Variants in DMRT1 observed in about 807,000 individuals in gnomAD.
DMRT1 encodes the protein doublesex- and mab-3-related transcription factor 1.
In DMRT1, 7 loss-of-function variants were observed where a neutral mutation model predicts 32.3. The ratio of observed to expected loss-of-function variants is 0.22; its 90% CI spans 0.12 to 0.41. The LOEUF is 0.41. DMRT1 is among the 10% of genes least tolerant of loss of function. The pLI, the probability that DMRT1 is intolerant of heterozygous loss-of-function variation, is 1.00. For missense variants in DMRT1, 625 were observed against 500.5 expected, an observed-to-expected ratio of 1.25 and a Z score of -2.37; for synonymous variants, 278 against 206.1, an observed-to-expected ratio of 1.35 and a Z score of -2.99.
chr9:864,596 T>C (rs917648307), intron 2 of DMRT1, among the ~76,000 whole-genome samples: 2 of 149,866 alleles, frequency 1.3e-5, no homozygotes, highest in African/African-American at 4.9e-5. Flanking sequence ...TGTCCCAGGC[T>C]CATGCCATTC....
intron 4 of DMRT1, among the ~76,000 whole-genome samples, chr9:961,073 C>G (rs537756531): frequency 6.6e-6 from 1 of 152,176 alleles, no homozygotes; most frequent in African/African-American, 2.4e-5. Context: ...CATGAGGAAG[C>G]AGAGACATGG....
chr9:890,762 T>C (rs1817113860), intron 2 of DMRT1, among the ~76,000 whole-genome samples: 1 of 152,210 alleles, frequency 6.6e-6, no homozygotes, highest in African/African-American at 2.4e-5. Flanking sequence ...TCACCCAGGC[T>C]GGAGTGCAGT....
chr9:887,065 C>T (rs1432063958), intron 2 of DMRT1, among the ~76,000 whole-genome samples: 2 of 152,284 alleles, frequency 1.3e-5, no homozygotes, highest in African/African-American at 4.8e-5. Flanking sequence ...GTGGCGGGAG[C>T]CTATAATCTC....
At chr9:862,095 G>T (rs1258070156) in intron 2 of DMRT1, among the ~76,000 whole-genome samples, 1 of 130,526 alleles carries the variant, frequency 7.7e-6, no homozygotes, top group East Asian at 2.1e-4. Flanking sequence ...CTTCCTAGAC[G>T]GGGTGGCGGC....
chr9:865,230 C>T (rs910239905), intron 2 of DMRT1, among the ~76,000 whole-genome samples: 2 of 152,128 alleles, frequency 1.3e-5, no homozygotes, highest in Non-Finnish European at 2.9e-5. Context: ...ATCTTGATAA[C>T]TTTATACCTG....
At chr9:842,270 G>C in intron 1 of DMRT1, 78 bp downstream of exon 1, 1 of 1,474,424 alleles carries the variant, frequency 6.8e-7, no homozygotes, top group Non-Finnish European at 8.9e-7. Context: ...AGTCTCGCTC[G>C]GTTGCCCAGG....
intron 2 of DMRT1, among the ~76,000 whole-genome samples, chr9:853,903 C>T (rs1815273443): frequency 2.0e-5 from 3 of 152,108 alleles, no homozygotes; most frequent in Non-Finnish European, 4.4e-5. Context: ...TCAAACAATT[C>T]TCCCACCTCA....
intron 2 of DMRT1, among the ~76,000 whole-genome samples, chr9:871,621 G>A (rs1475155039): frequency 9.5e-5 from 8 of 84,514 alleles, no homozygotes; most frequent in Admixed American, 1.5e-4. Flanking sequence ...GATTACAGAC[G>A]CGAGCCACCG....
intron 2 of DMRT1, among the ~76,000 whole-genome samples, chr9:879,639 T>G (rs951063903): frequency 1.1e-4 from 16 of 152,238 alleles, no homozygotes; most frequent in Non-Finnish European, 1.5e-4. Context: ...GCTTAAAGAT[T>G]AGTTGTGATG....
chr9:899,752 A>G (rs1250789261), intron 3 of DMRT1, among the ~76,000 whole-genome samples: 1 of 152,256 alleles, frequency 6.6e-6, no homozygotes, highest in East Asian at 1.9e-4. Flanking sequence ...TACCAGGTTG[A>G]CAAGGGAGAG....
At chr9:868,212 C>A (rs1050407616) in intron 2 of DMRT1, among the ~76,000 whole-genome samples, 1 of 152,194 alleles carries the variant, frequency 6.6e-6, no homozygotes, top group Non-Finnish European at 1.5e-5. Flanking sequence ...CTCCTAAGCT[C>A]AAGCGATCTG....
At chr9:894,242 C>G in intron 3 of DMRT1, 47 bp downstream of exon 3, 1 of 1,593,684 alleles carries the variant, frequency 6.3e-7, no homozygotes, top group Non-Finnish European at 8.6e-7. Context: ...GTGAAAGCCA[C>G]ATGCATGTGC....
chr9:906,476 T>C (rs999229093), intron 3 of DMRT1, among the ~76,000 whole-genome samples: 3 of 152,256 alleles, frequency 2.0e-5, no homozygotes, highest in Admixed American at 1.3e-4. Flanking sequence ...ATACTGCTGA[T>C]AGGGCTATAT....
intron 2 of DMRT1, among the ~76,000 whole-genome samples, chr9:891,086 TCGTAG>T (rs1267384516): frequency 6.6e-6 from 1 of 151,860 alleles, no homozygotes; most frequent in East Asian, 1.9e-4. Flanking sequence ...ATGCCTGTAA[TCGTAG>T]CACTTTGGGA....
intron 2 of DMRT1, among the ~76,000 whole-genome samples, chr9:858,860 AAAAAAAAAAAATATAT>A (rs1193566617): frequency 9.5e-6 from 1 of 105,170 alleles, no homozygotes; most frequent in African/African-American, 4.1e-5. Context: ...TCTCAAAAAA[AAAAAAAAAAAATATAT>A]ATATATATAT....
At chr9:859,924 A>G (rs1815580044) in intron 2 of DMRT1, among the ~76,000 whole-genome samples, 1 of 152,218 alleles carries the variant, frequency 6.6e-6, no homozygotes, top group East Asian at 1.9e-4. Context: ...GTAACAGATG[A>G]CTTTCAATGT....
intron 2 of DMRT1, among the ~76,000 whole-genome samples, chr9:848,179 C>G (rs1472554574): frequency 2.0e-5 from 3 of 152,206 alleles, no homozygotes; most frequent in Non-Finnish European, 2.9e-5. Context: ...ACTCCATTTG[C>G]TGGGCTTAAG....
At chr9:936,359 A>G (rs1483496430) in intron 4 of DMRT1, among the ~76,000 whole-genome samples, 2 of 152,094 alleles carry the variant, frequency 1.3e-5, no homozygotes, top group Non-Finnish European at 2.9e-5. Flanking sequence ...TTAATACTAG[A>G]TGAAAGAACT....
chr9:955,695 C>A (rs1819579243), intron 4 of DMRT1, among the ~76,000 whole-genome samples: 1 of 152,080 alleles, frequency 6.6e-6, no homozygotes, highest in South Asian at 2.1e-4. Flanking sequence ...GGTATGAAAC[C>A]CTGTTTCAAA....
Sources: gnomAD v4.1 joint callset for allele counts (sites outside exome capture counted in the v4.1 genomes callset) on GRCh38, gnomAD v4.1.1 for gene constraint, MANE v1.5 for transcripts, NCBI Gene and HGNC (gene_info 2026-07-23, HGNC 2026-07-21) for gene names.